Variants in PTPRD observed in about 807,000 individuals in gnomAD.
The protein encoded by PTPRD is protein tyrosine phosphatase receptor type D, also known as receptor-type tyrosine-protein phosphatase delta.
Under a neutral mutation model 214.5 loss-of-function variants are expected in PTPRD, and 34 were observed. The ratio of observed to expected loss-of-function variants is 0.16; its 90% CI spans 0.12 to 0.21. The LOEUF is 0.21. Among genes scored for constraint, PTPRD ranks in the 10% least tolerant of loss-of-function variants. The probability of loss-of-function intolerance (pLI) is 1.00; values close to 1 mark genes in which losing one functional copy is unlikely to be tolerated. For missense variants in PTPRD, 2,545 were observed against 2,398.7 expected (o/e 1.06, Z -1.27); for synonymous variants, 1,128 against 845.7 (o/e 1.33, Z -5.79).
intron 36 of PTPRD, among the ~76,000 whole-genome samples, chr9:8,394,628 CTTTT>C (rs1246536716): frequency 7.9e-5 from 12 of 152,100 alleles, no homozygotes; most frequent in Admixed American, 7.9e-4. Flanking sequence ...CCCTCCAGTT[CTTTT>C]GAGTTCTAAA....
At chr9:9,182,218 G>A (rs773994631) in intron 10 of PTPRD, among the ~76,000 whole-genome samples, 6 of 151,920 alleles carry the variant, frequency 3.9e-5, no homozygotes, top group African/African-American at 7.2e-5. Context: ...TGACTTCAGT[G>A]GTACTGTGAT....
At chr9:10,317,256 T>C (rs2096459321) in intron 3 of PTPRD, among the ~76,000 whole-genome samples, 1 of 151,952 alleles carries the variant, frequency 6.6e-6, no homozygotes, top group Non-Finnish European at 1.5e-5. Flanking sequence ...CTAATTTAAT[T>C]AGTTAATTAG....
chr9:9,792,458 C>G (rs1261771783), intron 5 of PTPRD, among the ~76,000 whole-genome samples: 1 of 152,112 alleles, frequency 6.6e-6, no homozygotes, highest in Non-Finnish European at 1.5e-5. Context: ...TTAGTGTAAC[C>G]TAATGATGTT....
At chr9:9,418,965 G>C (rs1351302187) in intron 8 of PTPRD, among the ~76,000 whole-genome samples, 2 of 151,662 alleles carry the variant, frequency 1.3e-5, no homozygotes, top group African/African-American at 4.8e-5. Context: ...AGTGGAGAAG[G>C]AAACGACTTT....
At chr9:10,112,164 G>C (rs1446942942) in intron 3 of PTPRD, among the ~76,000 whole-genome samples, 1 of 152,128 alleles carries the variant, frequency 6.6e-6, no homozygotes, top group Non-Finnish European at 1.5e-5. Context: ...AAGCAAATTC[G>C]CTTTTTGGAA....
chr9:9,893,000 T>G (rs1037495703), intron 5 of PTPRD, among the ~76,000 whole-genome samples: 2 of 152,048 alleles, frequency 1.3e-5, no homozygotes, highest in African/African-American at 4.8e-5. Context: ...AAATTTGGTT[T>G]TAGACAAGAT....
chr9:10,370,164 G>T (rs549166741), intron 2 of PTPRD, among the ~76,000 whole-genome samples: 5 of 152,106 alleles, frequency 3.3e-5, no homozygotes, highest in Admixed American at 6.6e-5. Context: ...TCAGTAGGAC[G>T]TTGTTAAGTC....
At chr9:9,377,198 A>G (rs985174457) in intron 9 of PTPRD, among the ~76,000 whole-genome samples, 2 of 152,150 alleles carry the variant, frequency 1.3e-5, no homozygotes, top group Non-Finnish European at 2.9e-5. Context: ...ATACATGTCC[A>G]TACATAGATA....
chr9:10,095,624 T>C (rs2098475632), intron 3 of PTPRD, among the ~76,000 whole-genome samples: 1 of 151,570 alleles, frequency 6.6e-6, no homozygotes, highest in Admixed American at 6.6e-5. Flanking sequence ...ATAATATGCA[T>C]AGATTTTATT....
At chr9:9,837,390 G>A (rs926869624) in intron 5 of PTPRD, among the ~76,000 whole-genome samples, 1 of 152,094 alleles carries the variant, frequency 6.6e-6, no homozygotes, top group Non-Finnish European at 1.5e-5. Flanking sequence ...TAATGTTCTA[G>A]AACCAATTGC....
At chr9:8,601,326 C>G (rs1000572837) in intron 14 of PTPRD, among the ~76,000 whole-genome samples, 5 of 152,176 alleles carry the variant, frequency 3.3e-5, no homozygotes, top group Non-Finnish European at 7.4e-5. Context: ...ACTCACCACC[C>G]TTAAAAGAAG....
intron 12 of PTPRD, among the ~76,000 whole-genome samples, chr9:8,720,156 T>A (rs1412441803): frequency 6.6e-6 from 1 of 152,240 alleles, no homozygotes; most frequent in Admixed American, 6.5e-5. Flanking sequence ...AAGAAGAGGC[T>A]GGACTCTGGC....
chr9:8,454,613 A>T (rs1353402169), intron 33 of PTPRD: 1 of 1,612,048 alleles, frequency 6.2e-7, no homozygotes, highest in Non-Finnish European at 8.5e-7. Context: ...TAATGCAGCA[A>T]AAAAAGGAAA....
At chr9:9,399,557 G>A (rs997694380) in intron 8 of PTPRD, among the ~76,000 whole-genome samples, 9 of 152,026 alleles carry the variant, frequency 5.9e-5, no homozygotes, top group Admixed American at 5.2e-4. Context: ...GCTTGGCTGT[G>A]ACCCTACCTA....
intron 5 of PTPRD, among the ~76,000 whole-genome samples, chr9:9,906,895 T>A (rs2153819203): frequency 6.6e-6 from 1 of 152,118 alleles, no homozygotes; most frequent in Admixed American, 6.6e-5. Flanking sequence ...ATCTGGCTCA[T>A]AGAACTTATT....
chr9:8,495,045 A>C (rs916216759), intron 26 of PTPRD, among the ~76,000 whole-genome samples: 8 of 151,966 alleles, frequency 5.3e-5, no homozygotes, highest in Non-Finnish European at 1.2e-4. Context: ...CTTAAAAAAG[A>C]AACTGCATTC....
intron 8 of PTPRD, among the ~76,000 whole-genome samples, chr9:9,442,857 T>G (rs1019197216): frequency 3.3e-5 from 5 of 152,206 alleles, no homozygotes; most frequent in African/African-American, 1.2e-4. Flanking sequence ...ATCTTTTTGG[T>G]ATAATTATTT....
chr9:9,193,079 T>C (rs1035146787), intron 9 of PTPRD, among the ~76,000 whole-genome samples: 1 of 152,168 alleles, frequency 6.6e-6, no homozygotes, highest in Non-Finnish European at 1.5e-5. Flanking sequence ...GCATATGACC[T>C]GACTATGAAA....
At chr9:9,233,977 T>A (rs185132157) in intron 9 of PTPRD, among the ~76,000 whole-genome samples, 2 of 152,146 alleles carry the variant, frequency 1.3e-5, no homozygotes, top group East Asian at 1.9e-4. Flanking sequence ...TGGAGGATGA[T>A]GGCCCTTTTT....
Sources: gnomAD v4.1 joint callset for allele counts (sites outside exome capture counted in the v4.1 genomes callset) on GRCh38, gnomAD v4.1.1 for gene constraint, MANE v1.5 for transcripts, NCBI Gene and HGNC (gene_info 2026-07-23, HGNC 2026-07-21) for gene names.